ADSS2: variants seen among roughly 807,000 people sequenced by gnomAD.
The protein encoded by ADSS2 is adenylosuccinate synthetase isozyme 2.
In ADSS2, 30 loss-of-function variants were observed where a neutral mutation model predicts 60.0. The ratio of observed to expected loss-of-function variants is 0.50; its 90% CI spans 0.37 to 0.68. The LOEUF (loss-of-function observed/expected upper bound fraction) is 0.68. Ranked by LOEUF, ADSS2 falls within the 30% of genes least tolerant of loss-of-function variation. ADSS2 has a pLI of 0.00. For missense variants in ADSS2, 373 were observed against 554.8 expected (o/e 0.67, Z 3.29); for synonymous variants, 187 against 193.1 (o/e 0.97, Z 0.26).
chr1:244,427,234 T>TA (rs1158139429), intron 4 of ADSS2, among the ~76,000 whole-genome samples: 2 of 152,178 alleles, frequency 1.3e-5, no homozygotes, highest in East Asian at 3.9e-4. Context: ...TAAGTTTCCT[T>TA]AAAAAAATCA....
At chr1:244,423,241 A>G (rs1466910572) in intron 6 of ADSS2, among the ~76,000 whole-genome samples, 1 of 152,250 alleles carries the variant, frequency 6.6e-6, no homozygotes, top group Admixed American at 6.5e-5. Context: ...ATTATACTGT[A>G]CAACAACAAA....
intron 2 of ADSS2, among the ~76,000 whole-genome samples, 188 bp from the exon 3 acceptor site, chr1:244,437,081 C>G (rs766819628): frequency 6.6e-6 from 1 of 152,060 alleles, no homozygotes; most frequent in South Asian, 2.1e-4. Context: ...CTCAATGAAG[C>G]TGAAAATTTC....
chr1:244,437,673 T>G lies in ADSS2; in HGVS notation c.279A>C (p.Ala93=). 1 of 1,576,248 alleles carries G rather than the reference T, an allele frequency of 6.3e-7. No homozygotes were observed. The change falls in exon 2 of 13, where the codon GCA becomes GCC. Residue 93 remains alanine (A), a synonymous_variant. Transcript: ENST00000366535. Reference sequence around the variant, plus strand: ...TTCAGTTTATATACTTACCAATGAATGCAGTGACATTTGGATTAATTATTC... The same window carrying G: ...TTCAGTTTATATACTTACCAATGAAGGCAGTGACATTTGGATTAATTATTC... ...PSGIINPNVT[A]FIGNGVVIHL...
intron 1 of ADSS2, among the ~76,000 whole-genome samples, chr1:244,447,123 G>A (rs1352955378): frequency 6.6e-6 from 1 of 152,162 alleles, no homozygotes; most frequent in African/African-American, 2.4e-5. Context: ...AATACTGAAT[G>A]TTGATGTTTC....
chr1:244,423,094 T>A (rs1273217983), intron 6 of ADSS2, among the ~76,000 whole-genome samples, 178 bp from the exon 7 acceptor site: 4 of 152,192 alleles, frequency 2.6e-5, no homozygotes, highest in African/African-American at 9.6e-5. Flanking sequence ...TATGAATAAG[T>A]AAGACATTCA....
intron 1 of ADSS2, among the ~76,000 whole-genome samples, chr1:244,450,500 T>C (rs996854824): frequency 1.3e-5 from 2 of 152,262 alleles, no homozygotes; most frequent in African/African-American, 4.8e-5. Context: ...TGTTTCTGCA[T>C]GCTCAAAATG....
At chr1:244,446,750 A>G (rs1665401570) in intron 1 of ADSS2, among the ~76,000 whole-genome samples, 1 of 152,202 alleles carries the variant, frequency 6.6e-6, no homozygotes, top group African/African-American at 2.4e-5. Flanking sequence ...AGGCCATAAG[A>G]CATCCAACCA....
At chr1:244,438,307 G>C (rs1665152087) in intron 1 of ADSS2, among the ~76,000 whole-genome samples, 1 of 152,122 alleles carries the variant, frequency 6.6e-6, no homozygotes, top group South Asian at 2.1e-4. Flanking sequence ...CTTGGCCTCT[G>C]ATTTATAAAC....
intron 2 of ADSS2, 39 bp downstream of exon 2, chr1:244,437,627 T>G: frequency 7.4e-7 from 1 of 1,352,718 alleles, no homozygotes; most frequent in Non-Finnish European, 1.1e-6. Flanking sequence ...TATCAACTGG[T>G]GGGGGGGAAT....
intron 4 of ADSS2, 140 bp from the exon 5 acceptor site, chr1:244,424,527 G>T: frequency 1.6e-6 from 1 of 639,406 alleles, no homozygotes. Context: ...TAGAAGTGAT[G>T]ATAGAAGTTT....
At chr1:244,440,809 CA>C (rs1665221290) in intron 1 of ADSS2, among the ~76,000 whole-genome samples, 2 of 152,244 alleles carry the variant, frequency 1.3e-5, no homozygotes, top group African/African-American at 4.8e-5. Flanking sequence ...ACCTTGCAAA[CA>C]GAATCATCTC....
chr1:244,436,398 A>G (rs568061546), intron 3 of ADSS2, among the ~76,000 whole-genome samples: 1 of 152,322 alleles, frequency 6.6e-6, no homozygotes, highest in South Asian at 2.1e-4. Context: ...TTCATTTAGA[A>G]GGAGGGACCT....
intron 1 of ADSS2, among the ~76,000 whole-genome samples, chr1:244,441,493 G>T (rs1202661591): frequency 6.6e-6 from 1 of 152,020 alleles, no homozygotes; most frequent in Non-Finnish European, 1.5e-5. Context: ...AACAAATAAG[G>T]TATTATTATC....
rs1375084528 is a variant in ADSS2 at position 244,451,374 on chromosome 1, G to A, written c.183+261C>T. On this transcript the variant is annotated intron_variant, in intron 1 of 12. Coordinates refer to ENST00000366535, the MANE Select transcript of ADSS2 (RefSeq NM_001126.5). This position sits in a 1 kb window ranked among gnomAD's most constrained non-coding sequence, Gnocchi z 6.6. ...CGCAAAACTGCAACTGCCAGGCATC[G>A]CGCATCTCTCAAAGGCTCCCCGCCA... is the stretch of plus-strand genomic sequence containing the variant. Among the ~76,000 whole-genome samples, 1 of 152,258 alleles carries A rather than the reference G, an allele frequency of 6.6e-6. No individual in the cohort carries two copies. Among genetic ancestry groups the A allele is most frequent in the South Asian group, 2.1e-4 (1 of 4,826 alleles).
intron 12 of ADSS2, 119 bp downstream of exon 12, chr1:244,411,168 C>A: frequency 9.8e-7 from 1 of 1,019,048 alleles, no homozygotes; most frequent in Non-Finnish European, 1.4e-6. Context: ...TTGCAGTGAG[C>A]CGAGATCCCG....
At position 244,448,947 on chromosome 1, in the gene ADSS2, T is replaced by C. The variant is rs972573307; in HGVS notation, c.183+2688A>G. 4.6e-5 allele frequency among the ~76,000 whole-genome samples: 7 copies of C among 152,334 alleles called. No individual in the cohort carries two copies. The East Asian group carries it at 1.3e-3, about 29-fold the overall frequency. On this transcript the variant is annotated intron_variant, in intron 1 of 12. Transcript: ENST00000366535. ...CTGCAGATACTCAATGTTTACTAGA[T>C]GAATGACCTGTACCCAGGGTTGGGC...
intron 1 of ADSS2, among the ~76,000 whole-genome samples, chr1:244,443,774 C>T (rs1467057186): frequency 6.6e-6 from 1 of 152,184 alleles, no homozygotes; most frequent in Non-Finnish European, 1.5e-5. Context: ...ATGGGGAGGC[C>T]TAGGCACGGA....
chr1:244,443,551 T>A (rs1030224164), intron 1 of ADSS2, among the ~76,000 whole-genome samples: 1 of 152,222 alleles, frequency 6.6e-6, no homozygotes. Flanking sequence ...TTCCTAGAAA[T>A]AAGTCATATT....
chr1:244,426,670 G>A (rs1390110482), intron 4 of ADSS2, among the ~76,000 whole-genome samples: 1 of 151,992 alleles, frequency 6.6e-6, no homozygotes, highest in Non-Finnish European at 1.5e-5. Context: ...TGTGAGACTT[G>A]GTACATGTAA....
Sources: allele counts gnomAD v4.1 joint callset (sites outside exome capture counted in the v4.1 genomes callset), GRCh38; gene constraint gnomAD v4.1.1; non-coding constraint Gnocchi (gnomAD v3.1); transcripts MANE v1.5; gene names NCBI Gene and HGNC (gene_info 2026-07-23, HGNC 2026-07-21).